THOC1: variants seen among roughly 807,000 people sequenced by gnomAD.
The protein encoded by THOC1 is THO complex 1.
In THOC1, 29 loss-of-function variants were observed where a neutral mutation model predicts 97.3. The observed-to-expected ratio is 0.30, with a 90% CI of 0.22 to 0.41. The LOEUF (loss-of-function observed/expected upper bound fraction) is 0.41, where lower values mean the gene tolerates loss of function less well. THOC1 is among the 10% of genes least tolerant of loss of function. The pLI, the probability that THOC1 is intolerant of heterozygous loss-of-function variation, is 1.00. For synonymous variants in THOC1, 255 were observed against 257.0 expected, an observed-to-expected ratio of 0.99 and a Z score of 0.07; for missense variants, 529 against 761.9, an observed-to-expected ratio of 0.69 and a Z score of 3.60.
chr18:220,732 TTCACTC>T (rs551085100), intron 17 of THOC1, among the ~76,000 whole-genome samples: 288 of 152,344 alleles, frequency 1.9e-3, no homozygotes, highest in Non-Finnish European at 2.9e-3. Flanking sequence ...ACTGGGTTGA[TTCACTC>T]TCACAGATTT....
At chr18:225,495 T>C in intron 12 of THOC1, 92 bp from the exon 13 acceptor site, 2 of 1,002,130 alleles carry the variant, frequency 2.0e-6, no homozygotes, top group Middle Eastern at 3.0e-4. Flanking sequence ...AACATGTAAC[T>C]ATACTGTGGA....
chr18:245,768 T>C (rs1301822696), intron 11 of THOC1: 1 of 152,682 alleles, frequency 6.5e-6, no homozygotes. Context: ...TGAAGATATT[T>C]ATCTTGTTTC....
chr18:267,913 G>C, intron 1 of THOC1, 53 bp downstream of exon 1: 2 of 1,537,182 alleles, frequency 1.3e-6, no homozygotes, highest in African/African-American at 1.4e-5. Flanking sequence ...TCAGGGAGAA[G>C]AGGACAAAGC....
At chr18:252,312 T>C (rs1414103874) in intron 9 of THOC1, among the ~76,000 whole-genome samples, 1 of 152,210 alleles carries the variant, frequency 6.6e-6, no homozygotes, top group African/African-American at 2.4e-5. Flanking sequence ...GGATTATGCA[T>C]AGGGTAGTCT....
chr18:214,969 C>G (rs376041199), intron 20 of THOC1, 48 bp from the exon 21 acceptor site: 3 of 1,570,704 alleles, frequency 1.9e-6, no homozygotes, highest in Non-Finnish European at 2.6e-6. Flanking sequence ...AAGTATACAA[C>G]AGAAATGGAA....
At position 259,704 on chromosome 18, in the gene THOC1, A is replaced by G. The variant is rs1350003246; in HGVS notation, c.402T>C (p.Asn134=). Residue 134 remains asparagine, a synonymous_variant, in exon 6 of 21, where the codon AAT becomes AAC. Transcript: ENST00000261600. The part of the protein sequence containing the change: ...KSNTFYSAGK[N]YLLRMCNDLL... ...TACCATTGCACATACGTAGTAAGTA[A>G]TTTTTCCCAGCAGAATAGAATGTAT... The G allele has an allele frequency of 1.9e-5, 29 of 1,552,352 alleles. No individual in the cohort carries two copies. The highest frequency in any genetic ancestry group is 2.5e-5 in the Non-Finnish European group (29 of 1,147,814).
intron 7 of THOC1, 76 bp downstream of exon 7, chr18:259,104 T>G: frequency 9.0e-7 from 1 of 1,111,476 alleles, no homozygotes; most frequent in Non-Finnish European, 1.3e-6. Context: ...TTTCTCATTA[T>G]CATGACAGAT....
At chr18:266,425 A>G (rs1315108652) in intron 1 of THOC1, among the ~76,000 whole-genome samples, 1 of 152,182 alleles carries the variant, frequency 6.6e-6, no homozygotes, top group Non-Finnish European at 1.5e-5. Context: ...TAGAAATGCA[A>G]AATCTCAGGC....
intron 7 of THOC1, among the ~76,000 whole-genome samples, chr18:257,076 C>T (rs964424252): frequency 6.6e-6 from 1 of 152,146 alleles, no homozygotes; most frequent in Non-Finnish European, 1.5e-5. Flanking sequence ...TAATAGACTA[C>T]AGCATAGTGT....
intron 9 of THOC1, among the ~76,000 whole-genome samples, chr18:251,064 T>C (rs1912263102): frequency 6.6e-6 from 1 of 152,230 alleles, no homozygotes; most frequent in Non-Finnish European, 1.5e-5. Context: ...TTCTAAGTGC[T>C]TTACACTTAC....
chr18:228,947 AAT>A (rs1175627578), intron 11 of THOC1, among the ~76,000 whole-genome samples: 6 of 152,150 alleles, frequency 3.9e-5, no homozygotes, highest in Non-Finnish European at 7.4e-5. Context: ...ACTTAGCAAA[AAT>A]ACTACTTTAC....
intron 17 of THOC1, among the ~76,000 whole-genome samples, chr18:223,189 C>G (rs510589): frequency 6.6e-6 from 1 of 152,032 alleles, no homozygotes; most frequent in Non-Finnish European, 1.5e-5. Context: ...AGAACCGTAT[C>G]AGTTCATAGG....
chr18:216,231 C>T (rs1437051041), intron 19 of THOC1: 5 of 355,690 alleles, frequency 1.4e-5, no homozygotes, highest in African/African-American at 6.3e-5. Context: ...GGATTACAGT[C>T]GTGAGCCACC....
chr18:260,108 T>A (rs555086270), intron 5 of THOC1, 78 bp downstream of exon 5: 206 of 867,150 alleles, frequency 2.4e-4, no homozygotes, highest in East Asian at 1.7e-3. Flanking sequence ...CAAATAAATT[T>A]AAAAAAAAAA....
chr18:247,777 C>A, intron 10 of THOC1, 72 bp downstream of exon 10: 1 of 866,416 alleles, frequency 1.2e-6, no homozygotes, highest in South Asian at 1.5e-5. Flanking sequence ...GTATGTTAGA[C>A]AAGATTAAGT....
chr18:265,623 T>TA (rs1912743696), intron 1 of THOC1, 93 bp from the exon 2 acceptor site: 1 of 992,438 alleles, frequency 1.0e-6, no homozygotes, highest in South Asian at 1.7e-5. Context: ...TCTTACTAAC[T>TA]AAAAAATGCT....
intron 4 of THOC1, among the ~76,000 whole-genome samples, chr18:263,115 C>G (rs1249545701): frequency 6.6e-6 from 1 of 152,100 alleles, no homozygotes; most frequent in African/African-American, 2.4e-5. Flanking sequence ...GAGTCTTGCT[C>G]TGTTGCCCAG....
At chr18:228,838 T>C (rs1911385870) in intron 11 of THOC1, among the ~76,000 whole-genome samples, 1 of 152,240 alleles carries the variant, frequency 6.6e-6, no homozygotes. Context: ...TGGTATGTTG[T>C]CACCACCTTA....
intron 3 of THOC1, 120 bp from the exon 4 acceptor site, chr18:264,212 C>A: frequency 1.5e-6 from 1 of 652,248 alleles, no homozygotes; most frequent in Middle Eastern, 3.6e-4. Flanking sequence ...TACAATATTT[C>A]TTATAGAAAA....
Sources: gnomAD v4.1 joint callset for allele counts (sites outside exome capture counted in the v4.1 genomes callset) on GRCh38, gnomAD v4.1.1 for gene constraint, MANE v1.5 for transcripts, NCBI Gene and HGNC (gene_info 2026-07-23, HGNC 2026-07-21) for gene names.